CPNE8: variants seen among roughly 807,000 people sequenced by gnomAD.
The protein encoded by CPNE8 is copine 8.
Under a neutral mutation model 81.5 loss-of-function variants are expected in CPNE8, and 45 were observed. The ratio of observed to expected loss-of-function variants is 0.55; its 90% CI spans 0.44 to 0.71. CPNE8 has a LOEUF of 0.71. Ranked by LOEUF, CPNE8 falls within the 30% of genes least tolerant of loss-of-function variation. CPNE8 has a pLI of 0.00. For synonymous variants in CPNE8, 252 were observed against 226.3 expected (o/e 1.11, Z -1.02); for missense variants, 594 against 672.1 (o/e 0.88, Z 1.28).
chr12:38,878,687 C>G (rs187644536), intron 1 of CPNE8, among the ~76,000 whole-genome samples: 20 of 152,334 alleles, frequency 1.3e-4, no homozygotes, highest in Non-Finnish European at 2.8e-4. Flanking sequence ...CCACACTGAA[C>G]AGCCAGCTAG....
chr12:38,705,108 T>C (rs1940072717), intron 13 of CPNE8, among the ~76,000 whole-genome samples: 1 of 151,716 alleles, frequency 6.6e-6, no homozygotes, highest in Non-Finnish European at 1.5e-5. Context: ...ATCTACAAAA[T>C]AATTTTTAAT....
chr12:38,760,993 G>T, intron 9 of CPNE8, 105 bp from the exon 10 acceptor site: 1 of 817,374 alleles, frequency 1.2e-6, no homozygotes, highest in Non-Finnish European at 1.9e-6. Flanking sequence ...AACAATGTAT[G>T]CTTGCAGATT....
At chr12:38,726,167 G>A (rs1216004135) in intron 11 of CPNE8, among the ~76,000 whole-genome samples, 2 of 151,900 alleles carry the variant, frequency 1.3e-5, no homozygotes, top group South Asian at 2.1e-4. Flanking sequence ...AGAGTTGTAA[G>A]GGGAGAAAAT....
intron 1 of CPNE8, among the ~76,000 whole-genome samples, chr12:38,902,574 A>C (rs558934992): frequency 1.3e-5 from 2 of 152,322 alleles, no homozygotes; most frequent in East Asian, 3.9e-4. Context: ...TGCCCATAGC[A>C]AGGCTCAGAG....
chr12:38,673,583 C>A (rs1939226376), intron 18 of CPNE8, among the ~76,000 whole-genome samples: 1 of 152,082 alleles, frequency 6.6e-6, no homozygotes, highest in Non-Finnish European at 1.5e-5. Flanking sequence ...ATCTACTTTT[C>A]TAGTACTGGG....
chr12:38,702,656 T>A (rs970408030), intron 14 of CPNE8, among the ~76,000 whole-genome samples: 2 of 152,050 alleles, frequency 1.3e-5, no homozygotes, highest in African/African-American at 4.8e-5. Context: ...ATATAATAAA[T>A]CTGAATGAGA....
intron 13 of CPNE8, among the ~76,000 whole-genome samples, chr12:38,705,669 G>C (rs1359947359): frequency 6.6e-6 from 1 of 152,104 alleles, no homozygotes; most frequent in African/African-American, 2.4e-5. Flanking sequence ...TCAGCACATT[G>C]CTTCGTCATG....
rs139244982 is a variant in CPNE8 at position 38,760,435 on chromosome 12, GTATATATA to G, written c.722+404_722+411del. Among the ~76,000 whole-genome samples, 635 of 127,258 alleles carry G rather than the reference GTATATATA, an allele frequency of 5.0e-3. 12 individuals carry two copies. The highest frequency in any genetic ancestry group is 0.021 in the African/African-American group (606 of 28,674). 83.5% of individuals were successfully genotyped at this position (127,258 alleles called of 152,430 possible). A position where few individuals can be genotyped will look rare whatever the true frequency, so the allele number is the denominator to read the frequency against. On this transcript the variant is annotated intron_variant, in intron 10 of 19. Transcript: ENST00000331366. ...ATTCTCGAGTTTTGTTGTATGGTGT[GTATATATA>G]TATATATATGTGTGTGTATATAGGC...
chr12:38,833,845 C>T (rs1943339155), intron 5 of CPNE8, among the ~76,000 whole-genome samples: 1 of 152,106 alleles, frequency 6.6e-6, no homozygotes, highest in South Asian at 2.1e-4. Flanking sequence ...CAGGTAAGTC[C>T]TTGCAGTTAT....
intron 6 of CPNE8, among the ~76,000 whole-genome samples, chr12:38,813,668 G>A (rs1041280627): frequency 6.6e-6 from 1 of 152,156 alleles, no homozygotes; most frequent in Admixed American, 6.5e-5. Flanking sequence ...TACACTGCAG[G>A]CAGTAGGTTT....
intron 4 of CPNE8, among the ~76,000 whole-genome samples, chr12:38,842,032 CAA>C (rs55757005): frequency 7.8e-4 from 102 of 131,544 alleles, no homozygotes; most frequent in Middle Eastern, 4.0e-3. Flanking sequence ...TTTACAATAG[CAA>C]AAAAAAAAAA....
At chr12:38,798,331 T>A (rs1247501214) in intron 6 of CPNE8, among the ~76,000 whole-genome samples, 1 of 152,094 alleles carries the variant, frequency 6.6e-6, no homozygotes, top group Non-Finnish European at 1.5e-5. Context: ...GGGAAGCCCA[T>A]CACACTAACA....
chr12:38,802,759 G>C (rs570778429), intron 6 of CPNE8, among the ~76,000 whole-genome samples: 1 of 148,012 alleles, frequency 6.8e-6, no homozygotes, highest in Non-Finnish European at 1.5e-5. Flanking sequence ...TAGACCGCTA[G>C]CAAGACTAAT....
chr12:38,904,460 G>GTTTTTT (rs200928843), intron 1 of CPNE8, among the ~76,000 whole-genome samples: 1 of 130,528 alleles, frequency 7.7e-6, no homozygotes, highest in African/African-American at 2.9e-5. Flanking sequence ...TTGAAAGTCA[G>GTTTTTT]TTTTTTTTTG....
intron 15 of CPNE8, among the ~76,000 whole-genome samples, chr12:38,688,017 G>C (rs554166245): frequency 6.6e-6 from 1 of 152,188 alleles, no homozygotes; most frequent in African/African-American, 2.4e-5. Context: ...CTTTTCCCTT[G>C]ATAAGGTATG....
At chr12:38,656,855 G>A (rs747853398) in intron 19 of CPNE8, among the ~76,000 whole-genome samples, 3 of 152,198 alleles carry the variant, frequency 2.0e-5, no homozygotes, top group Non-Finnish European at 4.4e-5. Context: ...AATAGACACT[G>A]TGGGAGCCGT....
intron 6 of CPNE8, among the ~76,000 whole-genome samples, chr12:38,796,627 C>A (rs141799307): frequency 6.6e-6 from 1 of 152,040 alleles, no homozygotes; most frequent in Non-Finnish European, 1.5e-5. Context: ...ACGCAGAAGA[C>A]GGGGGATTTC....
chr12:38,867,305 AGTGTGTGT>A (rs35874005), intron 3 of CPNE8, among the ~76,000 whole-genome samples: 9 of 133,224 alleles, frequency 6.8e-5, no homozygotes, highest in South Asian at 5.1e-4. Context: ...TGAATAGTAT[AGTGTGTGT>A]GTGTGTGTGT....
chr12:38,683,015 G>A (rs1939446025), intron 16 of CPNE8, among the ~76,000 whole-genome samples: 1 of 152,070 alleles, frequency 6.6e-6, no homozygotes, highest in Non-Finnish European at 1.5e-5. Context: ...AGAAGCAGGG[G>A]CTGGAAAGCC....
Sources: allele counts gnomAD v4.1 joint callset (sites outside exome capture counted in the v4.1 genomes callset), GRCh38; gene constraint gnomAD v4.1.1; transcripts MANE v1.5; gene names NCBI Gene and HGNC (gene_info 2026-07-23, HGNC 2026-07-21).